The following TMPRSS5 variants were observed in gnomAD, a reference collection of about 807,000 sequenced individuals.
The protein encoded by TMPRSS5 is transmembrane protease serine 5.
A neutral mutation model predicts 59.7 loss-of-function variants in TMPRSS5; 45 were observed. The observed-to-expected ratio is 0.75, with a 90% CI of 0.59 to 0.97. TMPRSS5 has a LOEUF of 0.97. TMPRSS5 is among the 50% of genes least tolerant of loss of function. The probability of loss-of-function intolerance (pLI) is 0.00; values close to 1 mark genes in which losing one functional copy is unlikely to be tolerated. For missense variants in TMPRSS5, 585 were observed against 596.7 expected (o/e 0.98, Z 0.20); for synonymous variants, 225 against 232.0 (o/e 0.97, Z 0.27).
In TMPRSS5 at chr11:113,706,292, C is replaced by G. The variant is rs1029491125; in HGVS notation, c.-68G>C. The G allele has an allele frequency of 2.5e-6, 4 of 1,569,868 alleles. No homozygotes were observed. In the African/African-American group the frequency reaches 5.4e-5, roughly 21 times the overall value. ...CAATGTTCCGCTCCTGTTCTCAGGC[C>G]AGCATTGATTAAAGCTAGCCCAGCA... On this transcript the variant is annotated 5_prime_UTR_variant, in exon 1 of 13. Coordinates refer to ENST00000299882, the MANE Select transcript of TMPRSS5 (RefSeq NM_030770.4).
At chr11:113,695,464 C>A (rs772209082) in intron 6 of TMPRSS5, 21 bp from the exon 7 acceptor site, 9 of 1,613,784 alleles carry the variant, frequency 5.6e-6, no homozygotes, top group Middle Eastern at 1.6e-4. Context: ...GAGGTACCAA[C>A]AAGAAGCTGG....
chr11:113,691,905 T>TTTTTTTTA (rs1565256095), intron 9 of TMPRSS5, among the ~76,000 whole-genome samples: 25 of 147,612 alleles, frequency 1.7e-4, no homozygotes, highest in South Asian at 4.3e-4. Context: ...TTTTTTTTTT[T>TTTTTTTTA]GAGACGGAGT....
Position 113,694,595 on chromosome 11 carries a change from G to A in TMPRSS5, c.668C>T (p.Ser223Phe). 6.4e-7 allele frequency: 1 copy of A among 1,554,788 alleles called. No homozygotes were observed. ...CCACGGCCAGCGCCCAGGAGCCACA[G>A]ACTGCCCACCAACTATCCGGGAAGC... Reference protein sequence around the residue: ...PLASRIVGGQSVAPGRWPWQA... With the variant: ...PLASRIVGGQFVAPGRWPWQA... Residue 223 changes from serine (S) to phenylalanine (F), a missense_variant, in exon 8 of 13, where the codon TCT becomes TTT. Transcript: ENST00000299882.
chr11:113,693,043 C>T (rs187718352), intron 9 of TMPRSS5, 28 bp downstream of exon 9: 1 of 1,549,990 alleles, frequency 6.5e-7, no homozygotes, highest in East Asian at 2.4e-5. Flanking sequence ...TAGTCTCCAG[C>T]CTGCCCACCC....
chr11:113,699,494 A>G, intron 3 of TMPRSS5, 101 bp downstream of exon 3: 1 of 924,826 alleles, frequency 1.1e-6, no homozygotes, highest in South Asian at 1.6e-5. Flanking sequence ...TGCACAGAGT[A>G]GTTGAGGAAG....
rs1952841407 is a variant in TMPRSS5, at chr11:113,693,393, A to G, written c.786-144T>C. The G allele has an allele frequency of 8.1e-6, 7 of 868,454 alleles. No homozygotes were observed. The Admixed American group carries it at 1.2e-4, about 15-fold the overall frequency. The allele number at this position is 868,454 out of a possible 1,614,324, so 53.8% of individuals were successfully genotyped here. On this transcript the variant is annotated intron_variant, in intron 8 of 12. Coordinates refer to ENST00000299882, the MANE Select transcript of TMPRSS5 (RefSeq NM_030770.4). ...GGTGAGCTCCCAGGCCCCACAGACTATGCCTCTTAGTATCACCCCAGCAGC... is the reference window on the plus strand; with the variant it reads ...GGTGAGCTCCCAGGCCCCACAGACTGTGCCTCTTAGTATCACCCCAGCAGC...
chr11:113,692,186 C>G (rs1245102725), intron 9 of TMPRSS5, among the ~76,000 whole-genome samples: 1 of 152,172 alleles, frequency 6.6e-6, no homozygotes, highest in Non-Finnish European at 1.5e-5. Flanking sequence ...CCATGCCCAG[C>G]CTTAGAAATA....
At chr11:113,701,390 A>T (rs905143936) in intron 1 of TMPRSS5, among the ~76,000 whole-genome samples, 2 of 151,534 alleles carry the variant, frequency 1.3e-5, no homozygotes, top group African/African-American at 4.9e-5. Context: ...AACGTCTTGG[A>T]AACTGAAGGA....
chr11:113,695,023 C>T (rs1305503622), intron 7 of TMPRSS5, among the ~76,000 whole-genome samples: 1 of 151,912 alleles, frequency 6.6e-6, no homozygotes. Flanking sequence ...CCGTTTGGTA[C>T]CTGATTCACC....
At chr11:113,697,030 T>C (rs2134806804) in intron 5 of TMPRSS5, 59 bp from the exon 6 acceptor site, 4 of 1,328,394 alleles carry the variant, frequency 3.0e-6, no homozygotes, top group East Asian at 5.0e-5. Flanking sequence ...GTACGAGATA[T>C]AATACTAGTA....
intron 12 of TMPRSS5, among the ~76,000 whole-genome samples, 177 bp downstream of exon 12, chr11:113,689,588 T>C (rs1014617993): frequency 2.6e-5 from 4 of 152,162 alleles, no homozygotes; most frequent in African/African-American, 7.2e-5. Context: ...CTTAAACTGA[T>C]AGAAATCCAA....
chr11:113,698,911 T>G lies in TMPRSS5; in HGVS notation c.322A>C (p.Lys108Gln). The G allele has an allele frequency of 6.3e-7, 1 of 1,587,518 alleles. No homozygotes were observed. The highest frequency in any genetic ancestry group is 1.2e-5 in the South Asian group (1 of 86,736). The change falls in exon 4 of 13, where the codon AAA (lysine) becomes CAA (glutamine). Residue 108 changes from lysine (K) to glutamine (Q), a missense_variant. Transcript: ENST00000299882. ...AEEALLPALP[K>Q]TVSFRINSED... ...CCTTAGGGGTGCAGCCCACCTGTTT[T>G]GGGAAGTGCAGGGAGCAGAGCTTCC...
At chr11:113,701,209 G>T (rs1953120900) in intron 1 of TMPRSS5, among the ~76,000 whole-genome samples, 1 of 152,208 alleles carries the variant, frequency 6.6e-6, no homozygotes, top group African/African-American at 2.4e-5. Context: ...AAGTGACTTT[G>T]GAATTGGGTA....
intron 9 of TMPRSS5, among the ~76,000 whole-genome samples, chr11:113,691,160 G>A (rs1286576367): frequency 2.0e-5 from 3 of 152,128 alleles, no homozygotes; most frequent in Middle Eastern, 3.2e-3. Flanking sequence ...AAACTGCAGT[G>A]TGCATGGCGC....
intron 8 of TMPRSS5, chr11:113,693,520 C>A: frequency 3.2e-6 from 1 of 311,160 alleles, no homozygotes; most frequent in Non-Finnish European, 5.9e-6. Flanking sequence ...CTCTTTCCTG[C>A]ATAACTTCCC....
chr11:113,692,479 C>G (rs1056514310), intron 9 of TMPRSS5, among the ~76,000 whole-genome samples: 1 of 152,124 alleles, frequency 6.6e-6, no homozygotes, highest in Non-Finnish European at 1.5e-5. Context: ...TAGGTGAATG[C>G]CCACATGCAC....
At chr11:113,699,985 CA>C (rs1565264862) in intron 2 of TMPRSS5, 80 bp downstream of exon 2, 4 of 1,548,426 alleles carry the variant, frequency 2.6e-6, no homozygotes, top group African/African-American at 1.4e-5. Flanking sequence ...GGGCTGACCC[CA>C]AGGAGGATCC....
At chr11:113,699,999 G>C in intron 2 of TMPRSS5, 67 bp downstream of exon 2, 7 of 1,550,064 alleles carry the variant, frequency 4.5e-6, no homozygotes, top group Non-Finnish European at 6.1e-6. Context: ...GAGGATCCGG[G>C]GAATGTAGGA....
Position 113,700,051 on chromosome 11 carries a change from C to T in TMPRSS5, c.106+15G>A. 6.4e-7 allele frequency: 1 copy of T among 1,555,860 alleles called. No individual in the cohort carries two copies. The highest frequency in any genetic ancestry group is 1.7e-4 in the Middle Eastern group (1 of 5,998). On this transcript the variant is annotated intron_variant, in intron 2 of 12. Transcript: ENST00000299882. ...TCCCCACCCTGTCATTCCCCTATGG[C>T]CCAGTCTGGCCTACTGGGATGCTGC...
Sources: gnomAD v4.1 joint callset for allele counts (sites outside exome capture counted in the v4.1 genomes callset) on GRCh38, gnomAD v4.1.1 for gene constraint, MANE v1.5 for transcripts, NCBI Gene and HGNC (gene_info 2026-07-23, HGNC 2026-07-21) for gene names.